LSM2: variants seen among roughly 807,000 people sequenced by gnomAD.
LSM2 encodes LSM2 homolog, U6 small nuclear RNA and mRNA degradation associated, also known as U6 snRNA-associated Sm-like protein LSm2.
A neutral mutation model predicts 17.0 loss-of-function variants in LSM2; 12 were observed. That is an observed-to-expected ratio of 0.70 (90% confidence interval 0.45 to 1.14). The LOEUF (loss-of-function observed/expected upper bound fraction) is 1.14, where lower values mean the gene tolerates loss of function less well. LSM2 is among the 50% of genes most tolerant of loss of function. LSM2 has a pLI of 0.00. For missense variants in LSM2, 62 were observed against 111.8 expected (o/e 0.55, Z 2.01); for synonymous variants, 42 against 44.5 (o/e 0.94, Z 0.22).
rs1035035906 is a variant in LSM2, at chr6:31,806,912, C to G, written c.-155G>C. On this transcript the variant is annotated 5_prime_UTR_variant, in exon 1 of 5. Coordinates refer to ENST00000375661, the MANE Select transcript of LSM2 (RefSeq NM_021177.5). Reference sequence around the variant, plus strand: ...GCAGAAAGCTCCAAGCGCTGACGGGCAAAGCGCGGCCGACTTGCGGCTGGG... The same window carrying G: ...GCAGAAAGCTCCAAGCGCTGACGGGGAAAGCGCGGCCGACTTGCGGCTGGG... 1.2e-5 allele frequency: 12 copies of G among 1,028,528 alleles called. No homozygotes were observed. Among genetic ancestry groups the G allele is most frequent in the African/African-American group, 3.4e-5 (2 of 58,628 alleles). The allele number at this position is 1,028,528 out of a possible 1,614,324, so 63.7% of individuals were successfully genotyped here.
chr6:31,804,959 G>T (rs1357259053), intron 2 of LSM2, among the ~76,000 whole-genome samples: 2 of 151,052 alleles, frequency 1.3e-5, no homozygotes, highest in Non-Finnish European at 2.9e-5. Flanking sequence ...GCAGAGACAG[G>T]GTTTCACCAT....
At chr6:31,806,007 CA>C (rs1367693461) in intron 2 of LSM2, 67 bp downstream of exon 2, 2 of 1,405,978 alleles carry the variant, frequency 1.4e-6, no homozygotes, top group Non-Finnish European at 2.0e-6. Flanking sequence ...AAATATTTCT[CA>C]AATTAAAGAG....
chr6:31,805,674 C>T (rs1175439422), intron 2 of LSM2, among the ~76,000 whole-genome samples: 1 of 151,842 alleles, frequency 6.6e-6, no homozygotes, highest in Non-Finnish European at 1.5e-5. Context: ...TGAGCCACTG[C>T]GCCTGACCTG....
At chr6:31,806,356 A>C in intron 1 of LSM2, 1 of 610,616 alleles carries the variant, frequency 1.6e-6, no homozygotes, top group Non-Finnish European at 2.9e-6. Context: ...TTAAAGTCCC[A>C]GAGAGACTCT....
rs372108276 is a variant in LSM2, at chr6:31,797,888, C to G, written c.163-6G>C. ...AAGCAGTTCTTCACTGATAACTAGACAAAGATGGACAAATATGAAAACACC... is the reference window on the plus strand; with the variant it reads ...AAGCAGTTCTTCACTGATAACTAGAGAAAGATGGACAAATATGAAAACACC... On this transcript the variant is annotated splice_polypyrimidine_tract_variant and splice_region_variant and intron_variant, in intron 4 of 4. Coordinates refer to ENST00000375661, the MANE Select transcript of LSM2 (RefSeq NM_021177.5). 6.2e-7 allele frequency: 1 copy of G among 1,612,876 alleles called. No homozygotes were observed. The highest frequency in any genetic ancestry group is 8.5e-7 in the Non-Finnish European group (1 of 1,180,026).
intron 2 of LSM2, among the ~76,000 whole-genome samples, chr6:31,799,767 T>C (rs1814589703): frequency 1.3e-5 from 2 of 151,768 alleles, no homozygotes; most frequent in African/African-American, 4.8e-5. Context: ...TAAAGGTAGG[T>C]AGCATTACTC....
At chr6:31,801,956 C>A (rs945204411) in intron 2 of LSM2, among the ~76,000 whole-genome samples, 6 of 151,838 alleles carry the variant, frequency 4.0e-5, no homozygotes, top group Admixed American at 6.6e-5. Flanking sequence ...GGCAACACGG[C>A]CGAGACTCTG....
In LSM2 at chr6:31,797,850, T is replaced by G. The variant is rs1394128865; in HGVS notation, c.195A>C (p.Ser65=). 6.2e-7 allele frequency: 1 copy of G among 1,613,016 alleles called. No homozygotes were observed. The highest frequency in any genetic ancestry group is 1.1e-5 in the South Asian group (1 of 91,078). Residue 65 remains serine (S), a synonymous_variant, in exon 5 of 5, where the codon TCA becomes TCC. Transcript: ENST00000375661. The part of the protein sequence containing the change: ...LSVKNCFIRG[S]VVRYVQLPAD... ...CTGGCAGCTGCACGTATCGGACCACTGAGCCCCGAATGAAGCAGTTCTTCA... is the reference window on the plus strand; with the variant it reads ...CTGGCAGCTGCACGTATCGGACCACGGAGCCCCGAATGAAGCAGTTCTTCA...
In LSM2 at chr6:31,797,979, C is replaced by A. The variant is rs781258285; in HGVS notation, c.162+11G>T. On this transcript the variant is annotated intron_variant, in intron 4 of 4. Transcript: ENST00000375661. ...AGAGGTGTTTCCTCTTCTCCACAGA[C>A]CCCAACTCACCATGTGAGGGTATTT... 4 of 1,608,304 alleles carry A rather than the reference C, an allele frequency of 2.5e-6. No homozygotes were observed. In the Admixed American group the frequency reaches 5.1e-5, roughly 20 times the overall value.
Position 31,800,579 on chromosome 6 carries a change from C to G in LSM2, c.72-2072G>C, listed in dbSNP as rs867647199. ...ACCAGCCTGGCCAACACGGCGAATC[C>G]CCATCTCTACTAAAAATACAAAAAT... is the stretch of plus-strand genomic sequence containing the variant. On this transcript the variant is annotated intron_variant, in intron 2 of 4. Transcript: ENST00000375661. Among the ~76,000 whole-genome samples, 13 of 152,058 alleles carry G rather than the reference C, an allele frequency of 8.5e-5. 2 individuals carry two copies. The Middle Eastern group carries it at 0.027, about 320-fold the overall frequency.
At chr6:31,802,322 C>T (rs963769440) in intron 2 of LSM2, among the ~76,000 whole-genome samples, 8 of 150,068 alleles carry the variant, frequency 5.3e-5, no homozygotes, top group African/African-American at 1.5e-4. Context: ...GAAGGCTGGG[C>T]GCAGTGGCTC....
chr6:31,802,462 G>T (rs995295836), intron 2 of LSM2, among the ~76,000 whole-genome samples: 1 of 151,580 alleles, frequency 6.6e-6, no homozygotes. Flanking sequence ...GGGCGTGGTG[G>T]TGCATGCATA....
intron 2 of LSM2, among the ~76,000 whole-genome samples, chr6:31,800,133 G>A (rs1416766054): frequency 6.6e-6 from 1 of 151,960 alleles, no homozygotes; most frequent in African/African-American, 2.4e-5. Flanking sequence ...TCAGGAGTTC[G>A]ACACCAGCCT....
At chr6:31,802,608 AAAAAG>A (rs1438543261) in intron 2 of LSM2, among the ~76,000 whole-genome samples, 1 of 151,242 alleles carries the variant, frequency 6.6e-6, no homozygotes, top group Non-Finnish European at 1.5e-5. Flanking sequence ...AAGAAAAAAG[AAAAAG>A]AAAAGAAATG....
At chr6:31,801,651 CT>C (rs1189154680) in intron 2 of LSM2, among the ~76,000 whole-genome samples, 1 of 151,884 alleles carries the variant, frequency 6.6e-6, no homozygotes, top group Non-Finnish European at 1.5e-5. Context: ...AAAAAATTAG[CT>C]GGGAGTGGTG....
Position 31,805,968 on chromosome 6 carries a change from C to G in LSM2, c.71+107G>C, listed in dbSNP as rs1044215842. ...ACTGCACCCTATCCATTTATTTCTT[C>G]TGTACATCTTCCACCTCGCCTAGCC... On this transcript the variant is annotated intron_variant, in intron 2 of 4. Coordinates refer to ENST00000375661, the MANE Select transcript of LSM2 (RefSeq NM_021177.5). The G allele has an allele frequency of 1.2e-5, 12 of 960,484 alleles. No homozygotes were observed. In the African/African-American group the frequency reaches 2.0e-4, roughly 16 times the overall value. 59.5% of individuals were successfully genotyped at this position (960,484 alleles called of 1,614,324 possible).
chr6:31,806,932 G>T lies in LSM2; in HGVS notation c.-175C>A. ...ACGGGCAAAGCGCGGCCGACTTGCG[G>T]CTGGGGAGCGCAAGCTGGGTAGAGT... is the stretch of plus-strand genomic sequence containing the variant. On this transcript the variant is annotated 5_prime_UTR_variant, in exon 1 of 5. Transcript: ENST00000375661. The T allele has an allele frequency of 1.3e-6, 1 of 790,418 alleles. No individual in the cohort carries two copies. Among genetic ancestry groups the T allele is most frequent in the Non-Finnish European group, 2.0e-6 (1 of 511,740 alleles). 49.0% of individuals were successfully genotyped at this position (790,418 alleles called of 1,614,324 possible).
chr6:31,802,295 A>C (rs1814759490), intron 2 of LSM2, among the ~76,000 whole-genome samples: 2 of 149,202 alleles, frequency 1.3e-5, no homozygotes, highest in African/African-American at 5.0e-5. Flanking sequence ...AAAATAAATA[A>C]ATAAATAGAA....
Position 31,797,801 on chromosome 6 carries a change from G to T in LSM2, c.244C>A (p.Leu82Ile). 1 of 1,613,048 alleles carries T rather than the reference G, an allele frequency of 6.2e-7. No individual in the cohort carries two copies. Among genetic ancestry groups the T allele is most frequent in the Non-Finnish European group, 8.5e-7 (1 of 1,180,042 alleles). ...LPADEVDTQL[L>I]QDAARKEALQ... is the part of the protein sequence containing the mutation. ...GCTTCCTTCCTTGCCGCATCCTGTA[G>T]CAACTGTGTGTCGACCTCATCTGCT... Residue 82 changes from leucine (L) to isoleucine (I), a missense_variant, in exon 5 of 5, where the codon CTA becomes ATA. Physicochemically the swap from Leu to Ile is conservative, Grantham distance 5 (BLOSUM62 2). Transcript: ENST00000375661.
Sources: gnomAD v4.1 joint callset for allele counts (sites outside exome capture counted in the v4.1 genomes callset) on GRCh38, gnomAD v4.1.1 for gene constraint, MANE v1.5 for transcripts, NCBI Gene and HGNC (gene_info 2026-07-23, HGNC 2026-07-21) for gene names.